The following PPFIA2 variants were observed in gnomAD, a reference collection of about 807,000 sequenced individuals.
PPFIA2 encodes PPFI scaffold protein A2, also known as liprin-alpha-2.
A neutral mutation model predicts 175.5 loss-of-function variants in PPFIA2; 46 were observed. The observed-to-expected ratio is 0.26, with a 90% CI of 0.21 to 0.34. The LOEUF (loss-of-function observed/expected upper bound fraction) is 0.34, where lower values mean the gene tolerates loss of function less well. Ranked by LOEUF, PPFIA2 falls within the 10% of genes least tolerant of loss-of-function variation. The pLI is 1.00. For synonymous variants in PPFIA2, 568 were observed against 511.4 expected (o/e 1.11, Z -1.49); for missense variants, 1,179 against 1,506.1 (o/e 0.78, Z 3.60).
intron 8 of PPFIA2, among the ~76,000 whole-genome samples, chr12:81,394,147 C>CA (rs1167134820): frequency 6.6e-6 from 1 of 151,834 alleles, no homozygotes; most frequent in Non-Finnish European, 1.5e-5. Flanking sequence ...TGTAAACAAA[C>CA]AAAAAACAAA....
chr12:81,492,174 T>C (rs574626918), intron 4 of PPFIA2, among the ~76,000 whole-genome samples: 127 of 152,132 alleles, frequency 8.3e-4, no homozygotes, highest in Middle Eastern at 3.4e-3. Context: ...CGGCTTATGT[T>C]TGATATAATA....
intron 19 of PPFIA2, among the ~76,000 whole-genome samples, chr12:81,342,850 T>C (rs2058369828): frequency 6.6e-6 from 1 of 151,980 alleles, no homozygotes; most frequent in Non-Finnish European, 1.5e-5. Flanking sequence ...AGCCAAACTA[T>C]ACTTATTCCC....
chr12:81,477,534 T>C (rs1479984186), intron 4 of PPFIA2, among the ~76,000 whole-genome samples: 1 of 152,176 alleles, frequency 6.6e-6, no homozygotes, highest in African/African-American at 2.4e-5. Context: ...ATATTGGCTG[T>C]GGGTTTGTCA....
chr12:81,333,159 CAAAT>C (rs1165446554), intron 21 of PPFIA2, among the ~76,000 whole-genome samples: 1 of 152,144 alleles, frequency 6.6e-6, no homozygotes, highest in East Asian at 1.9e-4. Flanking sequence ...TTCCAAGTGA[CAAAT>C]AACTCACTAC....
intron 3 of PPFIA2, among the ~76,000 whole-genome samples, chr12:81,688,926 TA>T (rs1567871272): frequency 6.6e-6 from 1 of 151,220 alleles, no homozygotes; most frequent in Non-Finnish European, 1.5e-5. Flanking sequence ...CCAATTAATA[TA>T]AACAGTTTCA....
chr12:81,737,940 C>T (rs1435176640), intron 3 of PPFIA2, among the ~76,000 whole-genome samples: 2 of 151,532 alleles, frequency 1.3e-5, no homozygotes, highest in Non-Finnish European at 2.9e-5. Flanking sequence ...TGTGATGAGG[C>T]AGTATTTACT....
intron 4 of PPFIA2, among the ~76,000 whole-genome samples, chr12:81,639,380 A>G (rs1461642779): frequency 6.6e-6 from 1 of 152,090 alleles, no homozygotes; most frequent in Non-Finnish European, 1.5e-5. Flanking sequence ...ACAATAGAAC[A>G]TTCACTCCCA....
chr12:81,263,849 C>A (rs2136165303), intron 30 of PPFIA2, among the ~76,000 whole-genome samples: 1 of 152,236 alleles, frequency 6.6e-6, no homozygotes, highest in South Asian at 2.1e-4. Flanking sequence ...TTGGGGAAAT[C>A]TATATTTGAG....
intron 4 of PPFIA2, among the ~76,000 whole-genome samples, chr12:81,636,269 T>G (rs900081561): frequency 6.7e-6 from 1 of 148,662 alleles, no homozygotes; most frequent in Admixed American, 6.7e-5. Flanking sequence ...TCTGATTTTT[T>G]TTTTTTTTTT....
chr12:81,484,726 T>C (rs10862316), intron 4 of PPFIA2, among the ~76,000 whole-genome samples: 11,557 of 151,996 alleles, frequency 0.076, 577 homozygotes, highest in East Asian at 0.2. Flanking sequence ...TTTGGCATAA[T>C]TTAAAACTTC....
intron 28 of PPFIA2, among the ~76,000 whole-genome samples, chr12:81,271,909 TTTTC>T (rs2039219413): frequency 6.6e-6 from 1 of 152,164 alleles, no homozygotes; most frequent in South Asian, 2.1e-4. Flanking sequence ...CTAATATTTC[TTTTC>T]TATTTGTTTT....
intron 18 of PPFIA2, among the ~76,000 whole-genome samples, chr12:81,345,501 A>T (rs925228909): frequency 2.6e-5 from 4 of 152,246 alleles, no homozygotes; most frequent in East Asian, 1.9e-4. Flanking sequence ...TGTCTCTCAC[A>T]CACACACACA....
At chr12:81,488,257 G>A (rs1424372613) in intron 4 of PPFIA2, among the ~76,000 whole-genome samples, 2 of 151,738 alleles carry the variant, frequency 1.3e-5, no homozygotes, top group African/African-American at 2.4e-5. Context: ...AATGAACTCC[G>A]ATTTTTATTG....
chr12:81,480,832 A>T (rs1482815203), intron 4 of PPFIA2, among the ~76,000 whole-genome samples: 1 of 152,090 alleles, frequency 6.6e-6, no homozygotes, highest in Non-Finnish European at 1.5e-5. Flanking sequence ...GCTCAGCTGT[A>T]TGAGGTGTGT....
chr12:81,750,827 A>G (rs963537312), intron 3 of PPFIA2, among the ~76,000 whole-genome samples: 6 of 152,168 alleles, frequency 3.9e-5, no homozygotes, highest in African/African-American at 1.4e-4. Context: ...GCAATTTAAG[A>G]CATCTATGTC....
intron 4 of PPFIA2, among the ~76,000 whole-genome samples, chr12:81,483,561 C>A (rs1394152672): frequency 6.6e-6 from 1 of 151,824 alleles, no homozygotes; most frequent in Non-Finnish European, 1.5e-5. Context: ...CTAATAGATA[C>A]AGAGAAGAGG....
intron 3 of PPFIA2, among the ~76,000 whole-genome samples, chr12:81,728,692 A>C (rs2153637406): frequency 6.6e-6 from 1 of 151,628 alleles, no homozygotes; most frequent in South Asian, 2.1e-4. Context: ...AGAACCAAGA[A>C]AAAATATTGA....
chr12:81,462,873 G>A (rs910472854), intron 4 of PPFIA2, among the ~76,000 whole-genome samples: 6 of 151,826 alleles, frequency 4.0e-5, no homozygotes, highest in South Asian at 2.1e-4. Context: ...TTTCTATTCC[G>A]TAGTGCTTTG....
intron 4 of PPFIA2, among the ~76,000 whole-genome samples, chr12:81,533,074 G>C (rs1008567275): frequency 2.6e-5 from 4 of 151,558 alleles, no homozygotes; most frequent in Non-Finnish European, 5.9e-5. Flanking sequence ...TTAACTTTCT[G>C]AGTAAAGTTT....
Sources: allele counts gnomAD v4.1 joint callset (sites outside exome capture counted in the v4.1 genomes callset), GRCh38; gene constraint gnomAD v4.1.1; transcripts MANE v1.5; gene names NCBI Gene and HGNC (gene_info 2026-07-23, HGNC 2026-07-21).